TRIOBP: variants seen among roughly 807,000 people sequenced by gnomAD.
The protein encoded by TRIOBP is TRIO and F-actin-binding protein.
TRIOBP carries 169 observed loss-of-function variants against 238.8 expected under a neutral mutation model. The ratio of observed to expected loss-of-function variants is 0.71; its 90% CI spans 0.62 to 0.80. The LOEUF is 0.80. Ranked by LOEUF, TRIOBP falls within the 30% of genes least tolerant of loss-of-function variation. The pLI is 0.00. For missense variants in TRIOBP, 2,838 were observed against 3,122.6 expected (o/e 0.91, Z 2.17); for synonymous variants, 1,150 against 1,274.4 (o/e 0.90, Z 2.08).
intron 11 of TRIOBP, among the ~76,000 whole-genome samples, chr22:37,749,526 A>G (rs1311487705): frequency 1.3e-5 from 2 of 152,128 alleles, no homozygotes; most frequent in Non-Finnish European, 2.9e-5. Context: ...GGAAGGAGAA[A>G]CTGAGCTTCT....
rs752575695 is a variant in TRIOBP at position 37,726,313 on chromosome 22, C to T, written c.3757C>T (p.Arg1253Trp). The change falls in exon 7 of 24, where the codon CGG becomes TGG. Residue 1253 changes from arginine (R) to tryptophan (W), a missense_variant. By Grantham distance (101) the Arg-to-Trp change is moderately radical. Transcript: ENST00000644935. ...SPSPGSSGGSRGSAPPGETRH... is the reference protein window; with the variant it reads ...SPSPGSSGGSWGSAPPGETRH... ...TTCACCGGGCAGCTCTGGGGGCTCC[C>T]GGGGCTCAGCGCCTCCCGGGGAGAC... The T allele has an allele frequency of 1.5e-5, 24 of 1,612,598 alleles. No homozygotes were observed. The African/African-American group carries it at 1.7e-4, about 12-fold the overall frequency.
chr22:37,762,609 G>C (rs1251545235), intron 17 of TRIOBP, among the ~76,000 whole-genome samples: 1 of 152,230 alleles, frequency 6.6e-6, no homozygotes, highest in East Asian at 1.9e-4. Context: ...GTTAGGGTGG[G>C]ATGGGCACGG....
At chr22:37,745,954 G>T (rs1280954652) in intron 11 of TRIOBP, among the ~76,000 whole-genome samples, 2 of 151,566 alleles carry the variant, frequency 1.3e-5, no homozygotes. Context: ...TGCACCCTGG[G>T]CCCTTCCTTC....
intron 11 of TRIOBP, chr22:37,751,550 G>T (rs1925605478): frequency 3.4e-6 from 2 of 589,808 alleles, no homozygotes; most frequent in Non-Finnish European, 6.1e-6. Flanking sequence ...CAACTTCTTG[G>T]CTCTCTGAGT....
At chr22:37,702,448 C>T (rs1175816245) in intron 3 of TRIOBP, among the ~76,000 whole-genome samples, 3 of 152,084 alleles carry the variant, frequency 2.0e-5, no homozygotes, top group Non-Finnish European at 4.4e-5. Flanking sequence ...AGGTGATCCA[C>T]CCGCCTCAGC....
At chr22:37,699,812 AT>A (rs1922551358) in intron 2 of TRIOBP, among the ~76,000 whole-genome samples, 1 of 151,888 alleles carries the variant, frequency 6.6e-6, no homozygotes, top group Non-Finnish European at 1.5e-5. Flanking sequence ...AAGTGCTGGG[AT>A]TATAGGCGTG....
intron 6 of TRIOBP, among the ~76,000 whole-genome samples, chr22:37,722,174 A>G (rs1923862735): frequency 7.1e-6 from 1 of 140,652 alleles, no homozygotes; most frequent in Admixed American, 7.8e-5. Context: ...GCCCTAGGAG[A>G]AGCCTCAGGG....
rs1304411980 is a variant in TRIOBP at position 37,733,418 on chromosome 22, C to G, written c.4062+6C>G. 6.5e-7 allele frequency: 1 copy of G among 1,548,456 alleles called. No homozygotes were observed. Among genetic ancestry groups the G allele is most frequent in the East Asian group, 2.4e-5 (1 of 40,914 alleles). On this transcript the variant is annotated splice_donor_region_variant and intron_variant, in intron 8 of 23. Coordinates refer to ENST00000644935, the MANE Select transcript of TRIOBP (RefSeq NM_001039141.3). ...GCCCTGCCCCCAGCAGGCAGGTGAG[C>G]ACTGCCAGCTGTCTGGGGCCCCGCA...
intron 12 of TRIOBP, among the ~76,000 whole-genome samples, chr22:37,753,355 T>A (rs6000879): frequency 1 from 151,921 of 152,206 alleles, 75,821 homozygotes; most frequent in Middle Eastern, 1. Context: ...GCTCACTGTG[T>A]CTTCCGCCTC....
At chr22:37,721,221 C>G (rs776878705) in intron 6 of TRIOBP, among the ~76,000 whole-genome samples, 2 of 151,962 alleles carry the variant, frequency 1.3e-5, no homozygotes, top group Non-Finnish European at 2.9e-5. Context: ...CCATGTTGGC[C>G]AGGCTGGTCT....
intron 10 of TRIOBP, among the ~76,000 whole-genome samples, chr22:37,739,664 C>T (rs761164697): frequency 1.3e-5 from 2 of 152,208 alleles, no homozygotes; most frequent in Non-Finnish European, 2.9e-5. Flanking sequence ...TGCGTGGCTT[C>T]GAACGGCAGT....
At chr22:37,728,987 CTCACTGCAACCTCTGCCT>C (rs1475982229) in intron 7 of TRIOBP, among the ~76,000 whole-genome samples, 1 of 152,096 alleles carries the variant, frequency 6.6e-6, no homozygotes, top group African/African-American at 2.4e-5. Flanking sequence ...GCAATCTTGG[CTCACTGCAACCTCTGCCT>C]TCTGGGTTCA....
intron 12 of TRIOBP, among the ~76,000 whole-genome samples, chr22:37,753,758 A>T (rs1925755503): frequency 6.6e-6 from 1 of 151,944 alleles, no homozygotes; most frequent in Non-Finnish European, 1.5e-5. Flanking sequence ...TTGAGAACTT[A>T]CCATCTTCTT....
chr22:37,739,880 C>T (rs568702087), intron 10 of TRIOBP, among the ~76,000 whole-genome samples: 9 of 152,326 alleles, frequency 5.9e-5, no homozygotes, highest in African/African-American at 1.7e-4. Flanking sequence ...CTCCATGAAA[C>T]GGGCCCGGCC....
rs1330451610 is a variant in TRIOBP, at chr22:37,774,492, A to G, written c.*712A>G. The G allele has an allele frequency of 6.6e-6, 1 of 152,186 alleles. No individual in the cohort carries two copies. The highest frequency in any genetic ancestry group is 6.5e-5 in the Admixed American group (1 of 15,270). 9.4% of individuals were successfully genotyped at this position (152,186 alleles called of 1,614,324 possible). A position where few individuals can be genotyped will look rare whatever the true frequency, so the allele number is the denominator to read the frequency against. On this transcript the variant is annotated 3_prime_UTR_variant, in exon 24 of 24. Coordinates refer to ENST00000644935, the MANE Select transcript of TRIOBP (RefSeq NM_001039141.3). ...TCTGCTCCCTGAACCTCTTAACTTA[A>G]TAAAACGTTCCAGCAGCTCTGGTGT...
chr22:37,750,164 G>A (rs1199427872), intron 11 of TRIOBP, among the ~76,000 whole-genome samples: 1 of 152,220 alleles, frequency 6.6e-6, no homozygotes, highest in Non-Finnish European at 1.5e-5. Context: ...GAGAGGGGAT[G>A]TGACTTAGGA....
At chr22:37,732,692 A>C (rs1924484687) in intron 7 of TRIOBP, among the ~76,000 whole-genome samples, 1 of 152,076 alleles carries the variant, frequency 6.6e-6, no homozygotes. Context: ...GGGAGGGAAA[A>C]AGGAAAAGAA....
rs535101098 is a variant in TRIOBP at position 37,700,796 on chromosome 22, A to G, written c.-60-510A>G. ...AACCTCCGCCTCCTGGGTTCAAGCCATTCTCCTGCCTCAGGCTCCCAAGTA... is the reference window on the plus strand; with the variant it reads ...AACCTCCGCCTCCTGGGTTCAAGCCGTTCTCCTGCCTCAGGCTCCCAAGTA... On this transcript the variant is annotated intron_variant, in intron 2 of 23. Transcript: ENST00000644935. 2.0e-4 allele frequency among the ~76,000 whole-genome samples: 31 copies of G among 152,294 alleles called. No individual in the cohort carries two copies. The South Asian group carries it at 5.8e-3, about 29-fold the overall frequency.
rs143428487 is a variant in TRIOBP at position 37,750,327 on chromosome 22, C to T, written c.5323-1445C>T. On this transcript the variant is annotated intron_variant, in intron 11 of 23. Coordinates refer to ENST00000644935, the MANE Select transcript of TRIOBP (RefSeq NM_001039141.3). ...GTGGGCCCAGGAAGCCTGGCTCCTC[C>T]GGGCTAGGTGGGGGTAGGGGAGATG... Among the ~76,000 whole-genome samples the T allele has an allele frequency of 1.2e-4, 19 of 152,338 alleles. No homozygotes were observed. In the East Asian group the frequency reaches 1.7e-3, roughly 14 times the overall value.
Sources: allele counts gnomAD v4.1 joint callset (sites outside exome capture counted in the v4.1 genomes callset), GRCh38; gene constraint gnomAD v4.1.1; transcripts MANE v1.5; gene names NCBI Gene and HGNC (gene_info 2026-07-23, HGNC 2026-07-21).